SPIDR: variants seen among roughly 807,000 people sequenced by gnomAD.
The protein encoded by SPIDR is scaffold protein involved in DNA repair.
In SPIDR, 93 loss-of-function variants were observed where a neutral mutation model predicts 104.6. That is an observed-to-expected ratio of 0.89 (90% CI 0.75 to 1.06). SPIDR has a LOEUF of 1.06. Among genes scored for constraint, SPIDR ranks in the 50% least tolerant of loss-of-function variants. The pLI, the probability that SPIDR is intolerant of heterozygous loss-of-function variation, is 0.00. For missense variants in SPIDR, 1,154 were observed against 1,111.2 expected (o/e 1.04, Z -0.55); for synonymous variants, 431 against 416.9 (o/e 1.03, Z -0.41).
At chr8:47,271,905 A>C (rs1172748011) in intron 1 of SPIDR, among the ~76,000 whole-genome samples, 1 of 152,116 alleles carries the variant, frequency 6.6e-6, no homozygotes, top group Non-Finnish European at 1.5e-5. Flanking sequence ...CACCTGCCTC[A>C]GCCTCCTGCC....
intron 5 of SPIDR, among the ~76,000 whole-genome samples, chr8:47,362,246 T>C (rs1554630622): frequency 6.6e-6 from 1 of 152,180 alleles, no homozygotes; most frequent in Non-Finnish European, 1.5e-5. Context: ...TGACTGCCTT[T>C]TATAGTGCTG....
At chr8:47,690,040 C>T (rs2078408507) in intron 11 of SPIDR, among the ~76,000 whole-genome samples, 1 of 151,462 alleles carries the variant, frequency 6.6e-6, no homozygotes, top group Non-Finnish European at 1.5e-5. Flanking sequence ...TCAGAGCACA[C>T]TTATAATATT....
At chr8:47,643,533 TTG>T (rs2069603115) in intron 10 of SPIDR, among the ~76,000 whole-genome samples, 1 of 151,734 alleles carries the variant, frequency 6.6e-6, no homozygotes, top group Non-Finnish European at 1.5e-5. Context: ...GTTGTTGTTG[TTG>T]TTGTTGTTGT....
At chr8:47,477,095 A>G (rs1554724188) in intron 8 of SPIDR, among the ~76,000 whole-genome samples, 1 of 152,258 alleles carries the variant, frequency 6.6e-6, no homozygotes, top group Non-Finnish European at 1.5e-5. Flanking sequence ...ATCTCTGAGC[A>G]TAGTTTCCTA....
intron 5 of SPIDR, among the ~76,000 whole-genome samples, chr8:47,301,117 G>C (rs2042005898): frequency 6.6e-6 from 1 of 152,188 alleles, no homozygotes; most frequent in South Asian, 2.1e-4. Context: ...CTTGCTTTAT[G>C]AATCTGGGTG....
intron 8 of SPIDR, among the ~76,000 whole-genome samples, chr8:47,519,333 C>T (rs763860738): frequency 2.3e-4 from 35 of 152,052 alleles, no homozygotes; most frequent in African/African-American, 5.8e-4. Flanking sequence ...TTAGTAGAGG[C>T]GGGGTTTCAT....
chr8:47,313,391 C>A (rs1227891099), intron 5 of SPIDR, among the ~76,000 whole-genome samples: 1 of 152,102 alleles, frequency 6.6e-6, no homozygotes, highest in African/African-American at 2.4e-5. Flanking sequence ...AACTACAAAC[C>A]ACTGCTCAAT....
At chr8:47,405,322 G>GTGTA (rs1311705526) in intron 6 of SPIDR, among the ~76,000 whole-genome samples, 7 of 147,926 alleles carry the variant, frequency 4.7e-5, no homozygotes, top group African/African-American at 7.7e-5. Flanking sequence ...GTGTGTGTGT[G>GTGTA]TATATATGTG....
Position 47,682,791 on chromosome 8 carries a change from A to G in SPIDR, c.1685+8850A>G, listed in dbSNP as rs367967387. Among the ~76,000 whole-genome samples, 28 of 152,290 alleles carry G rather than the reference A, an allele frequency of 1.8e-4. 1 individual carries two copies. The highest frequency in any genetic ancestry group is 6.5e-4 in the African/African-American group (27 of 41,574). On this transcript the variant is annotated intron_variant, in intron 11 of 19. Coordinates refer to ENST00000297423, the MANE Select transcript of SPIDR (RefSeq NM_001080394.4). ...GTTATTAACCTTGGCCAGTAAGGGT[A>G]TTTTGGGGAAATAAGAACACGGATT...
rs139228979 is a variant in SPIDR at position 47,415,598 on chromosome 8, C to T, written c.877+7637C>T. Among the ~76,000 whole-genome samples, 708 of 152,120 alleles carry T rather than the reference C, an allele frequency of 4.7e-3. 6 individuals carry two copies. The highest frequency in any genetic ancestry group is 0.016 in the African/African-American group (664 of 41,522). ...CCTCATGAAGGGAATTAGAAGAGAC[C>T]GTAGAGAGCTAGCTCATCCTTCCAC... On this transcript the variant is annotated intron_variant, in intron 7 of 19. Transcript: ENST00000297423.
intron 8 of SPIDR, among the ~76,000 whole-genome samples, chr8:47,497,016 G>A (rs560279140): frequency 6.6e-6 from 1 of 152,060 alleles, no homozygotes; most frequent in African/African-American, 2.4e-5. Context: ...CTTTTAGTGT[G>A]CTATAGAATC....
At chr8:47,319,272 A>C (rs2046029488) in intron 5 of SPIDR, among the ~76,000 whole-genome samples, 1 of 152,172 alleles carries the variant, frequency 6.6e-6, no homozygotes, top group Non-Finnish European at 1.5e-5. Flanking sequence ...AATGGAAAAC[A>C]AAAAAAGGCA....
chr8:47,479,062 T>G (rs2076588863), intron 8 of SPIDR, among the ~76,000 whole-genome samples: 1 of 151,908 alleles, frequency 6.6e-6, no homozygotes, highest in South Asian at 2.1e-4. Context: ...AAAAAAAATT[T>G]AAAGAAAGGG....
chr8:47,423,675 A>G (rs1052713748), intron 7 of SPIDR, among the ~76,000 whole-genome samples: 2 of 152,176 alleles, frequency 1.3e-5, no homozygotes, highest in Non-Finnish European at 2.9e-5. Context: ...CTTGCAGAGA[A>G]TGCAGTTTGA....
chr8:47,277,621 G>A (rs2154219355), intron 1 of SPIDR, among the ~76,000 whole-genome samples: 1 of 149,558 alleles, frequency 6.7e-6, no homozygotes, highest in East Asian at 2.0e-4. Flanking sequence ...CTCCTAAAGT[G>A]CTGGGATTAC....
At chr8:47,399,730 A>G (rs781798192) in intron 6 of SPIDR, among the ~76,000 whole-genome samples, 6 of 152,214 alleles carry the variant, frequency 3.9e-5, no homozygotes, top group Non-Finnish European at 5.9e-5. Flanking sequence ...AGGAGTTCCG[A>G]GAGTAGCAAT....
intron 5 of SPIDR, among the ~76,000 whole-genome samples, chr8:47,334,537 CTTGCT>C (rs1554607107): frequency 3.9e-5 from 6 of 152,046 alleles, no homozygotes. Context: ...GATAACTTTC[CTTGCT>C]TTAAGTGTAT....
chr8:47,622,597 G>C (rs906357107), intron 10 of SPIDR, among the ~76,000 whole-genome samples: 3 of 152,094 alleles, frequency 2.0e-5, no homozygotes, highest in African/African-American at 7.2e-5. Context: ...AGGGGCTGGC[G>C]TCCCAGGAGG....
chr8:47,563,115 A>C (rs1335106805), intron 8 of SPIDR, among the ~76,000 whole-genome samples: 1 of 151,800 alleles, frequency 6.6e-6, no homozygotes, highest in Non-Finnish European at 1.5e-5. Flanking sequence ...TTGTTCATTA[A>C]ATTCTCACTA....
Sources: allele counts gnomAD v4.1 joint callset (sites outside exome capture counted in the v4.1 genomes callset), GRCh38; gene constraint gnomAD v4.1.1; transcripts MANE v1.5; gene names NCBI Gene and HGNC (gene_info 2026-07-23, HGNC 2026-07-21).